Variants in SSBP1 observed in about 807,000 individuals in gnomAD.
SSBP1 encodes the protein single stranded DNA binding protein 1, also known as single-stranded DNA-binding protein, mitochondrial.
In SSBP1, 20 loss-of-function variants were observed where a neutral mutation model predicts 27.0. The observed-to-expected ratio is 0.74, with a 90% CI of 0.52 to 1.08. The LOEUF is 1.08. Ranked by LOEUF, SSBP1 falls within the 50% of genes least tolerant of loss-of-function variation. SSBP1 has a pLI of 0.00. For synonymous variants in SSBP1, 59 were observed against 59.3 expected (o/e 1.00, Z 0.02); for missense variants, 137 against 182.4 (o/e 0.75, Z 1.44).
At chr7:141,741,497 GT>G in intron 2 of SSBP1, 1 of 152,110 alleles carries the variant, frequency 6.6e-6, no homozygotes, top group East Asian at 1.9e-4. Context: ...CCTGACACTT[GT>G]TTGATCATTG....
intron 6 of SSBP1, among the ~76,000 whole-genome samples, chr7:141,746,738 T>C (rs1799805774): frequency 6.6e-6 from 1 of 152,044 alleles, no homozygotes; most frequent in Non-Finnish European, 1.5e-5. Flanking sequence ...TAGGAAAGAG[T>C]TTTTAAACTT....
intron 6 of SSBP1, among the ~76,000 whole-genome samples, chr7:141,748,699 GTTTAC>G (rs1799869669): frequency 6.6e-6 from 1 of 152,106 alleles, no homozygotes; most frequent in African/African-American, 2.4e-5. Flanking sequence ...AGCACAGTCA[GTTTAC>G]TTTAGGTTTA....
chr7:141,750,035 G>C (rs1799907630), intron 6 of SSBP1, among the ~76,000 whole-genome samples: 1 of 152,108 alleles, frequency 6.6e-6, no homozygotes, highest in Non-Finnish European at 1.5e-5. Context: ...TCTTTTGCAG[G>C]AAATTGTTTC....
intron 1 of SSBP1, 78 bp from the exon 2 acceptor site, chr7:141,739,046 T>A (rs1214836571): frequency 1.3e-6 from 1 of 749,832 alleles, no homozygotes; most frequent in Non-Finnish European, 2.1e-6. Flanking sequence ...ATGAATATAG[T>A]TAGGAATTTA....
chr7:141,747,993 C>A (rs1235251076), intron 6 of SSBP1, among the ~76,000 whole-genome samples: 1 of 114,468 alleles, frequency 8.7e-6, no homozygotes, highest in African/African-American at 3.6e-5. Flanking sequence ...GGAAGACTCT[C>A]TCAAAAAAAA....
Position 141,741,241 on chromosome 7 carries a change from C to A in SSBP1, c.25-928C>A, listed in dbSNP as rs142056134. On this transcript the variant is annotated intron_variant, in intron 2 of 6. Coordinates refer to ENST00000265304, the MANE Select transcript of SSBP1 (RefSeq NM_003143.3). ...CTCATAAGGAGTGCACACCCTAGAT[C>A]CCTCGCATGAGCGGTTTATAATGGG... 75 of 152,366 alleles carry A rather than the reference C, an allele frequency of 4.9e-4. 1 individual carries two copies. The highest frequency in any genetic ancestry group is 1.8e-3 in the African/African-American group (73 of 41,574). The allele number at this position is 152,366 out of a possible 1,614,324, so 9.4% of individuals were successfully genotyped here.
chr7:141,742,116 C>A, intron 2 of SSBP1, 53 bp from the exon 3 acceptor site: 1 of 1,339,690 alleles, frequency 7.5e-7, no homozygotes, highest in Non-Finnish European at 1.1e-6. Flanking sequence ...CTTCTGTTTG[C>A]ATTTGCCTTT....
At chr7:141,743,838 A>G (rs1799664079) in intron 4 of SSBP1, 64 bp from the exon 5 acceptor site, 2 of 1,565,544 alleles carry the variant, frequency 1.3e-6, no homozygotes, top group Non-Finnish European at 1.7e-6. Context: ...AAATCGTGAC[A>G]TTGGTTTTCC....
chr7:141,744,084 CT>C (rs1799673589), intron 5 of SSBP1, 95 bp downstream of exon 5: 1 of 996,212 alleles, frequency 1.0e-6, no homozygotes, highest in African/African-American at 1.6e-5. Context: ...TCTTAAATCC[CT>C]GAGTACTACT....
chr7:141,742,140 A>G, intron 2 of SSBP1, 29 bp from the exon 3 acceptor site: 1 of 1,551,206 alleles, frequency 6.4e-7, no homozygotes, highest in Non-Finnish European at 8.8e-7. Context: ...AAAAAATTAA[A>G]GCCATGTTAT....
chr7:141,748,926 C>T (rs1408915299), intron 6 of SSBP1, among the ~76,000 whole-genome samples: 5 of 152,112 alleles, frequency 3.3e-5, no homozygotes, highest in African/African-American at 1.2e-4. Flanking sequence ...TGGACCAAAA[C>T]ATTCTAGTTT....
In SSBP1 at chr7:141,739,235, C is replaced by T. The variant is rs114137230; in HGVS notation, c.24+45C>T. On this transcript the variant is annotated intron_variant, in intron 2 of 6. Coordinates refer to ENST00000265304, the MANE Select transcript of SSBP1 (RefSeq NM_003143.3). ...AATACTGAGATGTATTACTATCAGC[C>T]ACAGTGATCAGAAGACTTCTTTAGG... The T allele has an allele frequency of 5.9e-4, 886 of 1,502,344 alleles. 11 individuals are homozygous for T. In the African/African-American group the frequency reaches 0.011, roughly 19 times the overall value. 93.1% of individuals were successfully genotyped at this position (1,502,344 alleles called of 1,614,324 possible).
chr7:141,740,465 C>T (rs930131181), intron 2 of SSBP1: 3 of 152,216 alleles, frequency 2.0e-5, no homozygotes, highest in African/African-American at 7.2e-5. Flanking sequence ...GTCAAGGGCC[C>T]TGGGTCCTTG....
chr7:141,747,960 T>C (rs749475939), intron 6 of SSBP1, among the ~76,000 whole-genome samples: 5 of 134,392 alleles, frequency 3.7e-5, no homozygotes, highest in African/African-American at 5.7e-5. Context: ...ATCACACCAC[T>C]GCACTCCAGC....
Position 141,743,681 on chromosome 7 carries a change from A to G in SSBP1, c.206A>G (p.Asp69Gly). 6.2e-7 allele frequency: 1 copy of G among 1,614,180 alleles called. No individual in the cohort carries two copies. Among genetic ancestry groups the G allele is most frequent in the Non-Finnish European group, 8.5e-7 (1 of 1,180,028 alleles). ...LATNEMWRSG[D>G]SEVYQLGDVS... ...ACTAATGAGATGTGGCGATCAGGGG[A>G]TAGTGAAGTTTACCAACTGGGTGAG... The change falls in exon 4 of 7, where the codon GAT becomes GGT. Residue 69 changes from aspartate to glycine, a missense_variant. Around this residue, in one of 2 missense-constraint regions of SSBP1, gnomAD observed 95 missense variants for 152.0 expected, o/e 0.62. Coordinates refer to ENST00000265304, the MANE Select transcript of SSBP1 (RefSeq NM_003143.3).
At chr7:141,743,070 GTC>G (rs984981582) in intron 3 of SSBP1, among the ~76,000 whole-genome samples, 3 of 152,126 alleles carry the variant, frequency 2.0e-5, no homozygotes, top group Non-Finnish European at 4.4e-5. Context: ...AGCCAGCATG[GTC>G]TCTCTCTCCT....
intron 6 of SSBP1, among the ~76,000 whole-genome samples, chr7:141,747,383 A>ATTTTTT (rs1320451586): frequency 7.4e-5 from 7 of 94,468 alleles, no homozygotes; most frequent in Admixed American, 1.3e-4. Context: ...CCCAAATTAG[A>ATTTTTT]TTTTTTTTTT....
At chr7:141,738,839 A>G in intron 1 of SSBP1, 1 of 282,430 alleles carries the variant, frequency 3.5e-6, no homozygotes, top group East Asian at 6.8e-5. Flanking sequence ...CATAGTAATG[A>G]AATTTGAGAA....
intron 3 of SSBP1, among the ~76,000 whole-genome samples, chr7:141,743,066 C>G (rs10231653): frequency 0.077 from 11,729 of 152,250 alleles, 971 homozygotes; most frequent in African/African-American, 0.2. Flanking sequence ...TGTTAGCCAG[C>G]ATGGTCTCTC....
Sources: allele counts gnomAD v4.1 joint callset (sites outside exome capture counted in the v4.1 genomes callset), GRCh38; gene constraint gnomAD v4.1.1; regional missense constraint gnomAD v4.1.1; transcripts MANE v1.5; gene names NCBI Gene and HGNC (gene_info 2026-07-23, HGNC 2026-07-21).